PCDH9: variants seen among roughly 807,000 people sequenced by gnomAD.
PCDH9 encodes the protein protocadherin 9, also known as protocadherin-9.
In PCDH9, 24 loss-of-function variants were observed where a neutral mutation model predicts 70.6. That is an observed-to-expected ratio of 0.34 (90% CI 0.25 to 0.48). The LOEUF (loss-of-function observed/expected upper bound fraction) is 0.48, where lower values mean the gene tolerates loss of function less well. Ranked by LOEUF, PCDH9 falls within the 20% of genes least tolerant of loss-of-function variation. The pLI, the probability that PCDH9 is intolerant of heterozygous loss-of-function variation, is 0.99. For missense variants in PCDH9, 1,281 were observed against 1,503.6 expected (o/e 0.85, Z 2.45); for synonymous variants, 562 against 558.5 (o/e 1.01, Z -0.09).
intron 4 of PCDH9, among the ~76,000 whole-genome samples, chr13:66,557,951 G>C (rs555404186): frequency 4.3e-4 from 65 of 152,248 alleles, no homozygotes; most frequent in African/African-American, 1.5e-3. Context: ...CAGGAGTTTG[G>C]AGACCAGTGT....
chr13:66,588,809 A>AGACG (rs2076999057), intron 4 of PCDH9, among the ~76,000 whole-genome samples: 1 of 148,726 alleles, frequency 6.7e-6, no homozygotes, highest in Non-Finnish European at 1.5e-5. Context: ...GTTCTAATGC[A>AGACG]GTGTGTTGAA....
intron 4 of PCDH9, among the ~76,000 whole-genome samples, chr13:66,337,672 T>G (rs1956060148): frequency 6.6e-6 from 1 of 152,056 alleles, no homozygotes; most frequent in African/African-American, 2.4e-5. Context: ...CTTTTATTTC[T>G]GAGTCTAGGA....
intron 3 of PCDH9, among the ~76,000 whole-genome samples, chr13:66,828,000 A>T (rs1273097539): frequency 6.6e-6 from 1 of 152,204 alleles, no homozygotes; most frequent in East Asian, 1.9e-4. Flanking sequence ...ATAAAAATAG[A>T]TCGCATCTTC....
chr13:66,978,446 T>C (rs1288129926), intron 2 of PCDH9: 1 of 152,008 alleles, frequency 6.6e-6, no homozygotes, highest in African/African-American at 2.4e-5. Context: ...TATTCCTTAG[T>C]ATGCTATTTT....
intron 2 of PCDH9, among the ~76,000 whole-genome samples, chr13:66,964,966 T>C (rs2083407902): frequency 6.6e-6 from 1 of 151,990 alleles, no homozygotes; most frequent in African/African-American, 2.4e-5. Context: ...GATAATGCAT[T>C]AAATAATTAG....
chr13:66,788,534 C>G (rs551281168), intron 3 of PCDH9, among the ~76,000 whole-genome samples: 23 of 152,096 alleles, frequency 1.5e-4, no homozygotes, highest in South Asian at 1.2e-3. Context: ...CAGCATCTTC[C>G]TATTGTTCCT....
intron 4 of PCDH9, among the ~76,000 whole-genome samples, chr13:66,445,943 A>G (rs1426212963): frequency 6.6e-6 from 1 of 151,670 alleles, no homozygotes; most frequent in Non-Finnish European, 1.5e-5. Flanking sequence ...ATTTCTAAGC[A>G]TGAGCTTCCA....
At chr13:67,215,154 T>C (rs2089572603) in intron 2 of PCDH9, 1 of 151,280 alleles carries the variant, frequency 6.6e-6, no homozygotes, top group Admixed American at 6.6e-5. Context: ...CTCCATTTCT[T>C]CAGTCAGAAA....
intron 3 of PCDH9, among the ~76,000 whole-genome samples, chr13:66,828,373 C>T (rs1454187019): frequency 2.6e-5 from 4 of 152,134 alleles, no homozygotes; most frequent in Non-Finnish European, 5.9e-5. Flanking sequence ...AAATAAACCT[C>T]TAAAAAATAC....
intron 4 of PCDH9, among the ~76,000 whole-genome samples, chr13:66,388,920 C>T (rs1287217875): frequency 6.6e-6 from 1 of 152,104 alleles, no homozygotes; most frequent in African/African-American, 2.4e-5. Flanking sequence ...TAATGACCAA[C>T]ATAAATATTC....
intron 3 of PCDH9, among the ~76,000 whole-genome samples, chr13:66,819,823 G>A (rs1277228976): frequency 1.3e-5 from 2 of 152,130 alleles, no homozygotes; most frequent in African/African-American, 2.4e-5. Context: ...TTGAGCCCAG[G>A]AAGCCCATGC....
intron 2 of PCDH9, among the ~76,000 whole-genome samples, chr13:67,188,178 C>T (rs1342122952): frequency 3.3e-5 from 5 of 152,000 alleles, no homozygotes; most frequent in African/African-American, 4.8e-5. Flanking sequence ...GCTTATCATG[C>T]GAATTTCTGT....
chr13:66,734,413 C>T (rs1005978419), intron 3 of PCDH9, among the ~76,000 whole-genome samples: 1 of 152,120 alleles, frequency 6.6e-6, no homozygotes, highest in African/African-American at 2.4e-5. Flanking sequence ...CTGTAATAAA[C>T]AGTAATTGTG....
At chr13:66,880,819 CA>C (rs1365202932) in intron 3 of PCDH9, among the ~76,000 whole-genome samples, 1 of 152,062 alleles carries the variant, frequency 6.6e-6, no homozygotes, top group Non-Finnish European at 1.5e-5. Context: ...CATAATAATT[CA>C]AAAAATTAAC....
At chr13:66,395,751 T>G (rs1957092023) in intron 4 of PCDH9, among the ~76,000 whole-genome samples, 1 of 152,188 alleles carries the variant, frequency 6.6e-6, no homozygotes, top group Admixed American at 6.5e-5. Context: ...AAAACATCAT[T>G]ATGCACTTGA....
chr13:66,322,362 G>A (rs952226883), intron 4 of PCDH9, among the ~76,000 whole-genome samples: 1 of 151,928 alleles, frequency 6.6e-6, no homozygotes, highest in African/African-American at 2.4e-5. Flanking sequence ...TTTCTCATAC[G>A]TTGTCTATAC....
chr13:67,199,720 A>G (rs976141873), intron 2 of PCDH9, among the ~76,000 whole-genome samples: 2 of 152,114 alleles, frequency 1.3e-5, no homozygotes, highest in East Asian at 3.8e-4. Context: ...TATAGGAAAC[A>G]TTTGTTATCT....
chr13:66,595,621 G>A (rs183792177), intron 4 of PCDH9, among the ~76,000 whole-genome samples: 1 of 151,588 alleles, frequency 6.6e-6, no homozygotes, highest in Non-Finnish European at 1.5e-5. Flanking sequence ...TTAGAAGATT[G>A]TTTATAATTG....
chr13:67,226,689 A>G lies in PCDH9; in HGVS notation c.1752T>C (p.Asn584=), dbSNP rs780652457. The G allele has an allele frequency of 6.2e-7, 1 of 1,614,106 alleles. No individual in the cohort carries two copies. The highest frequency in any genetic ancestry group is 8.5e-7 in the Non-Finnish European group (1 of 1,179,936). ...CCCCCACAGTACTATACTTTGGCAG[A>G]TTCTCAGACACAAAAAATTGAAAAT... is the stretch of plus-strand genomic sequence containing the variant. ...HNHFQFFVSE[N]LPKYSTVGVI... Residue 584 remains asparagine (N), a synonymous_variant, in exon 2 of 5, where the codon AAT becomes AAC. Transcript: ENST00000377865. This position sits in a 1 kb window ranked among gnomAD's most constrained non-coding sequence, Gnocchi z 5.0.
Sources: allele counts gnomAD v4.1 joint callset (sites outside exome capture counted in the v4.1 genomes callset), GRCh38; gene constraint gnomAD v4.1.1; non-coding constraint Gnocchi (gnomAD v3.1); transcripts MANE v1.5; gene names NCBI Gene and HGNC (gene_info 2026-07-23, HGNC 2026-07-21).